Variants in GSK3B observed in about 807,000 individuals in gnomAD.
The protein encoded by GSK3B is glycogen synthase kinase 3 beta.
A neutral mutation model predicts 56.4 loss-of-function variants in GSK3B; 15 were observed. The observed-to-expected ratio is 0.27, with a 90% CI of 0.18 to 0.41. GSK3B has a LOEUF of 0.41. Ranked by LOEUF, GSK3B falls within the 10% of genes least tolerant of loss-of-function variation. GSK3B has a pLI of 1.00. For synonymous variants in GSK3B, 181 were observed against 188.9 expected, an observed-to-expected ratio of 0.96 and a Z score of 0.34; for missense variants, 300 against 513.4, an observed-to-expected ratio of 0.58 and a Z score of 4.02.
chr3:120,023,269 T>G lies in GSK3B; in HGVS notation c.89-21030A>C, dbSNP rs147467122. Among the ~76,000 whole-genome samples, 614 of 151,240 alleles carry G rather than the reference T, an allele frequency of 4.1e-3. 4 individuals are homozygous for G. The highest frequency in any genetic ancestry group is 0.014 in the African/African-American group (583 of 41,078). On this transcript the variant is annotated intron_variant, in intron 1 of 10. Coordinates refer to ENST00000264235, the MANE Select transcript of GSK3B (RefSeq NM_001146156.2). ...GTTTGATGTGAATATATGCAAATAATAAGACAAAGGTTCCACTGAAGACTT... is the reference window on the plus strand; with the variant it reads ...GTTTGATGTGAATATATGCAAATAAGAAGACAAAGGTTCCACTGAAGACTT...
chr3:119,904,748 A>G (rs1323684117), intron 7 of GSK3B, among the ~76,000 whole-genome samples: 1 of 152,142 alleles, frequency 6.6e-6, no homozygotes, highest in East Asian at 1.9e-4. Context: ...GTTCAAGAAA[A>G]TACTAGAAAA....
chr3:119,994,746 G>T (rs192069417), intron 2 of GSK3B, among the ~76,000 whole-genome samples: 1 of 152,228 alleles, frequency 6.6e-6, no homozygotes, highest in African/African-American at 2.4e-5. Flanking sequence ...TGAATGTCAT[G>T]AAAGACAATA....
At chr3:120,079,346 ACACAT>A (rs759068408) in intron 1 of GSK3B, among the ~76,000 whole-genome samples, 7 of 105,918 alleles carry the variant, frequency 6.6e-5, no homozygotes, top group East Asian at 2.4e-4. Flanking sequence ...ACACACACAC[ACACAT>A]TTTTTTTTTT....
At chr3:119,930,546 A>G (rs1289205048) in intron 3 of GSK3B, among the ~76,000 whole-genome samples, 1 of 152,266 alleles carries the variant, frequency 6.6e-6, no homozygotes, top group East Asian at 1.9e-4. Flanking sequence ...ACATTGAATA[A>G]AAATTTAAAG....
chr3:119,925,260 C>A (rs1245658604), intron 3 of GSK3B, among the ~76,000 whole-genome samples: 1 of 152,122 alleles, frequency 6.6e-6, no homozygotes, highest in Non-Finnish European at 1.5e-5. Flanking sequence ...GCCTGGGAGG[C>A]AAAGGTTGCA....
At chr3:119,907,075 T>C (rs1191094595) in intron 6 of GSK3B, among the ~76,000 whole-genome samples, 1 of 152,096 alleles carries the variant, frequency 6.6e-6, no homozygotes, top group Non-Finnish European at 1.5e-5. Context: ...TGTTAGGGAA[T>C]CTTTACTCAA....
chr3:119,959,146 G>C (rs1017613368), intron 2 of GSK3B, among the ~76,000 whole-genome samples: 24 of 152,146 alleles, frequency 1.6e-4, no homozygotes, highest in African/African-American at 5.8e-4. Flanking sequence ...AGTTTTCTTT[G>C]CTAGTTCTTC....
At chr3:120,084,025 T>A (rs2058443576) in intron 1 of GSK3B, among the ~76,000 whole-genome samples, 2 of 152,100 alleles carry the variant, frequency 1.3e-5, no homozygotes, top group Non-Finnish European at 2.9e-5. Context: ...ATCTCTGAAA[T>A]GATAAAAGTG....
intron 9 of GSK3B, among the ~76,000 whole-genome samples, chr3:119,861,022 T>C (rs943173079): frequency 2.0e-5 from 3 of 152,176 alleles, no homozygotes; most frequent in South Asian, 4.1e-4. Context: ...AAGTGGAAAA[T>C]TGATTCTCCT....
In GSK3B at chr3:120,036,792, C is replaced by CAAAAAAAAAAAAAAAAAAA. The variant is rs560163237; in HGVS notation, c.89-34572_89-34554dup. Among the ~76,000 whole-genome samples the CAAAAAAAAAAAAAAAAAAA allele has an allele frequency of 3.1e-5, 2 of 64,336 alleles. 1 individual carries two copies. Among genetic ancestry groups the CAAAAAAAAAAAAAAAAAAA allele is most frequent in the Non-Finnish European group, 6.1e-5 (2 of 32,564 alleles). The allele number at this position is 64,336 out of a possible 152,430, so 42.2% of individuals were successfully genotyped here. A position where few individuals can be genotyped will look rare whatever the true frequency, so the allele number is the denominator to read the frequency against. On this transcript the variant is annotated intron_variant, in intron 1 of 10. Coordinates refer to ENST00000264235, the MANE Select transcript of GSK3B (RefSeq NM_001146156.2). ...TGGGCGACAGAGTAAGACTCCGACT[C>CAAAAAAAAAAAAAAAAAAA]AAAAAAAAAAAAAAAAAAAAAGCAG...
intron 3 of GSK3B, among the ~76,000 whole-genome samples, chr3:119,932,519 T>TC (rs1553735773): frequency 6.6e-6 from 1 of 151,458 alleles, no homozygotes; most frequent in East Asian, 1.9e-4. Context: ...TTTTTTTTTT[T>TC]AGAAAAATAA....
intron 2 of GSK3B, among the ~76,000 whole-genome samples, chr3:119,998,780 G>A (rs1036828621): frequency 2.0e-5 from 3 of 152,034 alleles, no homozygotes; most frequent in African/African-American, 7.2e-5. Context: ...AGTGAGATGC[G>A]TCTCTACAAA....
At chr3:119,894,941 T>C (rs1413670797) in intron 7 of GSK3B, among the ~76,000 whole-genome samples, 4 of 152,178 alleles carry the variant, frequency 2.6e-5, no homozygotes, top group African/African-American at 4.8e-5. Flanking sequence ...TATAAGTGTA[T>C]ATAGTTTTGA....
At chr3:120,070,928 G>A (rs960450281) in intron 1 of GSK3B, among the ~76,000 whole-genome samples, 1 of 152,150 alleles carries the variant, frequency 6.6e-6, no homozygotes, top group Non-Finnish European at 1.5e-5. Flanking sequence ...CCCACCAGCA[G>A]GGACTCAGAC....
At chr3:119,969,882 GT>G (rs1452201727) in intron 2 of GSK3B, among the ~76,000 whole-genome samples, 5 of 152,126 alleles carry the variant, frequency 3.3e-5, no homozygotes, top group Admixed American at 6.5e-5. Context: ...AATTGCCATC[GT>G]TCTGAGTAGC....
intron 3 of GSK3B, among the ~76,000 whole-genome samples, chr3:119,937,140 G>A (rs1171444242): frequency 6.6e-6 from 1 of 152,058 alleles, no homozygotes; most frequent in Admixed American, 6.5e-5. Context: ...GACAACCAAT[G>A]GTTTAAAGAA....
chr3:119,972,819 A>C (rs1019610032), intron 2 of GSK3B, among the ~76,000 whole-genome samples: 1 of 152,172 alleles, frequency 6.6e-6, no homozygotes, highest in Non-Finnish European at 1.5e-5. Context: ...AAAAACTAGA[A>C]GCTTTCAATT....
chr3:119,945,306 A>G (rs542035664), intron 3 of GSK3B, among the ~76,000 whole-genome samples: 29 of 152,300 alleles, frequency 1.9e-4, no homozygotes, highest in African/African-American at 6.7e-4. Context: ...CTTTTTTTAA[A>G]AAAATTTTTG....
intron 8 of GSK3B, among the ~76,000 whole-genome samples, chr3:119,870,850 G>A (rs2056242012): frequency 6.6e-6 from 1 of 152,154 alleles, no homozygotes; most frequent in Non-Finnish European, 1.5e-5. Context: ...CAAGTGGCAA[G>A]CTTAGGAGCC....
Sources: allele counts gnomAD v4.1 joint callset (sites outside exome capture counted in the v4.1 genomes callset), GRCh38; gene constraint gnomAD v4.1.1; transcripts MANE v1.5; gene names NCBI Gene and HGNC (gene_info 2026-07-23, HGNC 2026-07-21).